ANAPC1: variants seen among roughly 807,000 people sequenced by gnomAD.
The protein encoded by ANAPC1 is anaphase-promoting complex subunit 1.
In ANAPC1, 36 loss-of-function variants were observed where a neutral mutation model predicts 208.0. The ratio of observed to expected loss-of-function variants is 0.17; its 90% CI spans 0.13 to 0.23. ANAPC1 has a LOEUF of 0.23. Among genes scored for constraint, ANAPC1 ranks in the 10% least tolerant of loss-of-function variants. The pLI is 1.00. For missense variants in ANAPC1, 942 were observed against 2,011.6 expected (o/e 0.47, Z 10.17); for synonymous variants, 378 against 695.2 (o/e 0.54, Z 7.18).
intron 1 of ANAPC1, among the ~76,000 whole-genome samples, chr2:111,881,132 A>G (rs1490729877): frequency 6.6e-6 from 1 of 151,792 alleles, no homozygotes; most frequent in Non-Finnish European, 1.5e-5. Context: ...CCACTACTAT[A>G]CGCTAATTTT....
intron 7 of ANAPC1, 117 bp downstream of exon 7, chr2:111,867,906 T>C (rs1682524201): frequency 1.7e-6 from 1 of 573,538 alleles, no homozygotes; most frequent in South Asian, 3.8e-5. Flanking sequence ...GAAGTTATTT[T>C]TGTAAAATGT....
chr2:111,815,021 T>C (rs1304910341), intron 28 of ANAPC1, among the ~76,000 whole-genome samples: 1 of 144,502 alleles, frequency 6.9e-6, no homozygotes, highest in Non-Finnish European at 1.5e-5. Context: ...AGCATGTACC[T>C]CCCCCATTTC....
At chr2:111,868,687 C>A (rs1419203249) in intron 6 of ANAPC1, among the ~76,000 whole-genome samples, 2 of 152,128 alleles carry the variant, frequency 1.3e-5, no homozygotes, top group African/African-American at 2.4e-5. Context: ...CACGCCACCA[C>A]GCCCAGCTAG....
At chr2:111,767,175 G>A (rs1275592747), downstream of ANAPC1, among the ~76,000 whole-genome samples, 1 of 148,304 alleles carries the variant, frequency 6.7e-6, no homozygotes, top group Non-Finnish European at 1.5e-5. Context: ...TGATGTAACT[G>A]GCATAAGATC....
chr2:111,799,309 G>A (rs562147958), intron 34 of ANAPC1, among the ~76,000 whole-genome samples: 347 of 152,110 alleles, frequency 2.3e-3, no homozygotes, highest in African/African-American at 8.0e-3. Context: ...ATTAATTATC[G>A]GTTAGATGGG....
chr2:111,852,908 G>T (rs577164486), intron 13 of ANAPC1, among the ~76,000 whole-genome samples: 2 of 152,110 alleles, frequency 1.3e-5, no homozygotes, highest in East Asian at 1.9e-4. Flanking sequence ...AGGATCGCTT[G>T]AGTCAGGAGG....
chr2:111,844,099 G>T (rs188825380), intron 16 of ANAPC1, among the ~76,000 whole-genome samples: 6,060 of 152,092 alleles, frequency 0.04, 147 homozygotes, highest in Middle Eastern at 0.082. Flanking sequence ...TGGGATTACA[G>T]GTGTGAGCCA....
At chr2:111,855,914 C>T (rs1264909048) in intron 13 of ANAPC1, among the ~76,000 whole-genome samples, 1 of 152,118 alleles carries the variant, frequency 6.6e-6, no homozygotes, top group African/African-American at 2.4e-5. Context: ...AATGTATATT[C>T]TCTACGTACA....
At chr2:111,839,005 C>A (rs1381326794) in intron 17 of ANAPC1, among the ~76,000 whole-genome samples, 1 of 152,320 alleles carries the variant, frequency 6.6e-6, no homozygotes, top group African/African-American at 2.4e-5. Flanking sequence ...CTCCTGAACC[C>A]ACAGCCAGAC....
intron 17 of ANAPC1, among the ~76,000 whole-genome samples, chr2:111,840,154 T>C (rs1680684074): frequency 6.6e-6 from 1 of 151,982 alleles, no homozygotes; most frequent in African/African-American, 2.4e-5. Context: ...TCCTACAATG[T>C]ACAGTCCAGT....
At chr2:111,842,370 G>A (rs191699305) in intron 17 of ANAPC1, among the ~76,000 whole-genome samples, 4 of 152,142 alleles carry the variant, frequency 2.6e-5, no homozygotes, top group South Asian at 2.1e-4. Flanking sequence ...CTGGCCAGGC[G>A]CAGTGGCTCA....
In ANAPC1 at chr2:111,850,773, T is replaced by C. The variant is rs374225234; in HGVS notation, c.1650+3A>G. The C allele has an allele frequency of 1.1e-5, 17 of 1,611,686 alleles. No homozygotes were observed. Among genetic ancestry groups the C allele is most frequent in the South Asian group, 2.2e-5 (2 of 90,840 alleles). On this transcript the variant is annotated splice_donor_region_variant and intron_variant, in intron 14 of 47. Coordinates refer to ENST00000341068, the MANE Select transcript of ANAPC1 (RefSeq NM_022662.4). ...TTTTGGCAACACCTAGTCCTTTTCT[T>C]ACCTCGTCCAATGATCCAAGGAGTT...
At chr2:111,862,105 T>C (rs1209182852) in intron 10 of ANAPC1, among the ~76,000 whole-genome samples, 1 of 150,168 alleles carries the variant, frequency 6.7e-6, no homozygotes, top group Non-Finnish European at 1.5e-5. Context: ...GGTTTCACAA[T>C]GTTGGCCAGG....
chr2:111,824,195 G>A (rs1262732956), intron 24 of ANAPC1, among the ~76,000 whole-genome samples: 2 of 137,978 alleles, frequency 1.4e-5, no homozygotes, highest in African/African-American at 2.7e-5. Flanking sequence ...TAGGTATCCT[G>A]TATGTATACT....
intron 34 of ANAPC1, among the ~76,000 whole-genome samples, chr2:111,798,997 G>A (rs1678303081): frequency 6.6e-6 from 1 of 150,392 alleles, no homozygotes; most frequent in Admixed American, 6.6e-5. Context: ...TCACACCACT[G>A]CACTCCAGCC....
At chr2:111,792,777 C>A (rs1406682682) in intron 37 of ANAPC1, among the ~76,000 whole-genome samples, 1 of 151,798 alleles carries the variant, frequency 6.6e-6, no homozygotes, top group African/African-American at 2.4e-5. Flanking sequence ...ATGGTGAAAC[C>A]CCGTCTCTAC....
At chr2:111,830,907 A>C (rs762864058) in intron 21 of ANAPC1, among the ~76,000 whole-genome samples, 1 of 152,240 alleles carries the variant, frequency 6.6e-6, no homozygotes, top group Non-Finnish European at 1.5e-5. Flanking sequence ...TCCTAGAGAA[A>C]GCAAAACTTA....
rs1037325635 is a variant in ANAPC1, at chr2:111,794,263, G to A, written c.4434C>T (p.Gly1478=). Residue 1478 remains glycine (G), a synonymous_variant, in exon 36 of 48, where the codon GGC becomes GGT. Coordinates refer to ENST00000341068, the MANE Select transcript of ANAPC1 (RefSeq NM_022662.4). ...AGTTAAATGCTGATAAGTTTTCTGA[G>A]CCAGCAAATCGAAAACCCAGAGACA... ...ACLSLGFRFA[G]SENLSAFNCL... is the part of the protein sequence containing the mutation. 9 of 1,612,984 alleles carry A rather than the reference G, an allele frequency of 5.6e-6. No individual in the cohort carries two copies. The Admixed American group carries it at 1.5e-4, about 27-fold the overall frequency.
chr2:111,837,412 G>A (rs553937233), intron 18 of ANAPC1, among the ~76,000 whole-genome samples: 5 of 152,212 alleles, frequency 3.3e-5, no homozygotes, highest in African/African-American at 1.2e-4. Context: ...ACGAGGTCAC[G>A]AGTTCAAGAC....
Sources: gnomAD v4.1 joint callset for allele counts (sites outside exome capture counted in the v4.1 genomes callset) on GRCh38, gnomAD v4.1.1 for gene constraint, MANE v1.5 for transcripts, NCBI Gene and HGNC (gene_info 2026-07-23, HGNC 2026-07-21) for gene names.